Variants in KCNQ5 observed in about 807,000 individuals in gnomAD.
KCNQ5 encodes the protein potassium voltage-gated channel subfamily Q member 5, also known as potassium voltage-gated channel subfamily KQT member 5.
KCNQ5 carries 30 observed loss-of-function variants against 98.2 expected under a neutral mutation model. That is an observed-to-expected ratio of 0.31 (90% CI 0.23 to 0.41). KCNQ5 has a LOEUF of 0.41. Among genes scored for constraint, KCNQ5 ranks in the 10% least tolerant of loss-of-function variants. The probability of loss-of-function intolerance (pLI) is 1.00; values close to 1 mark genes in which losing one functional copy is unlikely to be tolerated. For synonymous variants in KCNQ5, 458 were observed against 449.4 expected, an observed-to-expected ratio of 1.02 and a Z score of -0.24; for missense variants, 835 against 1,182.5, an observed-to-expected ratio of 0.71 and a Z score of 4.31.
chr6:72,934,931 C>T (rs922226290), intron 1 of KCNQ5, among the ~76,000 whole-genome samples: 2 of 152,196 alleles, frequency 1.3e-5, no homozygotes, highest in Non-Finnish European at 2.9e-5. Flanking sequence ...CATCACCTCA[C>T]TCAGGTACTT....
At chr6:72,715,393 A>T (rs1014023790) in intron 1 of KCNQ5, among the ~76,000 whole-genome samples, 37 of 152,286 alleles carry the variant, frequency 2.4e-4, no homozygotes, top group African/African-American at 7.7e-4. Context: ...TTACCTTGCA[A>T]ACTTTGGCTG....
chr6:73,006,190 C>T (rs946982217), intron 2 of KCNQ5, among the ~76,000 whole-genome samples: 24 of 151,916 alleles, frequency 1.6e-4, no homozygotes, highest in Admixed American at 1.6e-3. Context: ...CATTTATTAC[C>T]TTTTAACATG....
At chr6:72,640,117 T>G (rs925263799) in intron 1 of KCNQ5, among the ~76,000 whole-genome samples, 149 of 152,124 alleles carry the variant, frequency 9.8e-4, no homozygotes, top group African/African-American at 3.5e-3. Flanking sequence ...CTAACAGTAG[T>G]GTGCAGGGTA....
intron 2 of KCNQ5, among the ~76,000 whole-genome samples, chr6:73,035,253 C>T (rs1447404872): frequency 6.6e-6 from 1 of 152,112 alleles, no homozygotes; most frequent in Non-Finnish European, 1.5e-5. Flanking sequence ...CATTGTAACT[C>T]CTACAAGGTG....
intron 10 of KCNQ5, chr6:73,158,279 TTTTTGTG>T (rs1231795446): frequency 1.1e-5 from 2 of 186,524 alleles, no homozygotes; most frequent in African/African-American, 5.0e-5. Flanking sequence ...TTTTTTTTTT[TTTTTGTG>T]GAGACGGAGT....
chr6:72,713,542 A>C (rs2154475107), intron 1 of KCNQ5, among the ~76,000 whole-genome samples: 1 of 152,258 alleles, frequency 6.6e-6, no homozygotes, highest in South Asian at 2.1e-4. Flanking sequence ...GTGATCTCCT[A>C]ATAGTTCTGG....
In KCNQ5 at chr6:72,898,076, T is replaced by C. The variant is rs371527018; in HGVS notation, c.399-105832T>C. ...TTAATTAATATTCAGGCAAAATACA[T>C]TTTCTATCTGTTAATGAACAATGGC... On this transcript the variant is annotated intron_variant, in intron 1 of 13. Coordinates refer to ENST00000370398, the MANE Select transcript of KCNQ5 (RefSeq NM_019842.4). Among the ~76,000 whole-genome samples, 3 of 152,174 alleles carry C rather than the reference T, an allele frequency of 2.0e-5. No individual in the cohort carries two copies. In the East Asian group the frequency reaches 5.8e-4, roughly 29 times the overall value.
intron 10 of KCNQ5, among the ~76,000 whole-genome samples, chr6:73,155,411 G>T (rs772316495): frequency 6.6e-6 from 1 of 152,126 alleles, no homozygotes; most frequent in African/African-American, 2.4e-5. Context: ...AATAAGAAAA[G>T]CAACGAGGAT....
chr6:72,759,496 G>C (rs2154476950), intron 1 of KCNQ5, among the ~76,000 whole-genome samples: 1 of 152,228 alleles, frequency 6.6e-6, no homozygotes, highest in South Asian at 2.1e-4. Flanking sequence ...TGATCATGCT[G>C]TGGCATGTTT....
At chr6:73,050,334 G>GGGAGGGAA (rs1191777573) in intron 3 of KCNQ5, among the ~76,000 whole-genome samples, 1 of 143,366 alleles carries the variant, frequency 7.0e-6, no homozygotes, top group African/African-American at 2.5e-5. Flanking sequence ...AAGGAAGGGA[G>GGGAGGGAA]GGAGGGAAGG....
Position 73,098,390 on chromosome 6 carries a change from G to C in KCNQ5, c.919-6867G>C, listed in dbSNP as rs1373941640. On this transcript the variant is annotated intron_variant, in intron 5 of 13. Coordinates refer to ENST00000370398, the MANE Select transcript of KCNQ5 (RefSeq NM_019842.4). ...ACAGAACTTCCCAAACCTAGAGAAA[G>C]ATATCAATATTCAAGTAAAAGAAGG... is the stretch of plus-strand genomic sequence containing the variant. Among the ~76,000 whole-genome samples, 4 of 152,064 alleles carry C rather than the reference G, an allele frequency of 2.6e-5. No homozygotes were observed. In the South Asian group the frequency reaches 8.3e-4, roughly 31 times the overall value.
intron 3 of KCNQ5, among the ~76,000 whole-genome samples, chr6:73,076,688 G>C (rs1418646588): frequency 6.6e-6 from 1 of 152,106 alleles, no homozygotes; most frequent in African/African-American, 2.4e-5. Context: ...ACACATAATT[G>C]GTGAACAGGT....
chr6:72,756,829 T>TTA, intron 1 of KCNQ5, among the ~76,000 whole-genome samples: 1 of 152,186 alleles, frequency 6.6e-6, no homozygotes, highest in Middle Eastern at 3.4e-3. Flanking sequence ...CATTCCCTAT[T>TTA]TATATATATA....
intron 11 of KCNQ5, among the ~76,000 whole-genome samples, chr6:73,171,212 A>T (rs1476405980): frequency 6.6e-6 from 1 of 152,206 alleles, no homozygotes; most frequent in Non-Finnish European, 1.5e-5. Flanking sequence ...AGCCTAAAAA[A>T]AAACAAAAGT....
chr6:72,920,089 G>A (rs781714757), intron 1 of KCNQ5, among the ~76,000 whole-genome samples: 67 of 152,094 alleles, frequency 4.4e-4, no homozygotes, highest in Non-Finnish European at 7.4e-5. Flanking sequence ...ATCACCTGAG[G>A]TCGGGAGTTT....
intron 1 of KCNQ5, among the ~76,000 whole-genome samples, chr6:72,795,731 A>C (rs558733279): frequency 6.6e-6 from 1 of 152,240 alleles, no homozygotes; most frequent in South Asian, 2.1e-4. Flanking sequence ...TGTGAACTAC[A>C]GGGATTATTA....
chr6:73,076,895 A>ATCACCCAGAAGCTGTGGTGTTGAGGGC, intron 3 of KCNQ5, among the ~76,000 whole-genome samples: 1 of 152,162 alleles, frequency 6.6e-6, no homozygotes, highest in Non-Finnish European at 1.5e-5. Flanking sequence ...CCTCTGTCAC[A>ATCACCCAGAAGCTGTGGTGTTGAGGGC]TCACCCAGAA....
intron 1 of KCNQ5, among the ~76,000 whole-genome samples, chr6:72,891,167 A>G (rs544790595): frequency 6.6e-6 from 1 of 152,290 alleles, no homozygotes; most frequent in East Asian, 1.9e-4. Flanking sequence ...CCAATAACAA[A>G]TCACATTACT....
intron 1 of KCNQ5, among the ~76,000 whole-genome samples, chr6:72,848,628 A>C (rs1305174337): frequency 2.6e-5 from 4 of 152,180 alleles, no homozygotes; most frequent in African/African-American, 7.2e-5. Context: ...GACAACTTAT[A>C]AAAACATCAC....
Sources: gnomAD v4.1 joint callset for allele counts (sites outside exome capture counted in the v4.1 genomes callset) on GRCh38, gnomAD v4.1.1 for gene constraint, MANE v1.5 for transcripts, NCBI Gene and HGNC (gene_info 2026-07-23, HGNC 2026-07-21) for gene names.